Variants in FSTL5 observed in about 807,000 individuals in gnomAD.
The protein encoded by FSTL5 is follistatin-related protein 5.
FSTL5 carries 62 observed loss-of-function variants against 89.1 expected under a neutral mutation model. That is an observed-to-expected ratio of 0.70 (90% CI 0.57 to 0.86). FSTL5 has a LOEUF of 0.86. Among genes scored for constraint, FSTL5 ranks in the 40% least tolerant of loss-of-function variants. The pLI, the probability that FSTL5 is intolerant of heterozygous loss-of-function variation, is 0.00. For missense variants in FSTL5, 1,057 were observed against 1,001.6 expected, an observed-to-expected ratio of 1.06 and a Z score of -0.75; for synonymous variants, 383 against 346.2, an observed-to-expected ratio of 1.11 and a Z score of -1.18.
intron 4 of FSTL5, among the ~76,000 whole-genome samples, chr4:161,879,516 T>C (rs909493858): frequency 6.6e-6 from 1 of 152,212 alleles, no homozygotes; most frequent in South Asian, 2.1e-4. Flanking sequence ...TACCAAAGTA[T>C]GCAAATCTCC....
intron 7 of FSTL5, among the ~76,000 whole-genome samples, chr4:161,649,471 G>T (rs1736261383): frequency 6.6e-6 from 1 of 151,960 alleles, no homozygotes; most frequent in Admixed American, 6.6e-5. Context: ...GCCTATAAAA[G>T]CAAAACAAAC....
At chr4:161,894,468 C>T (rs1733089673) in intron 4 of FSTL5, among the ~76,000 whole-genome samples, 1 of 151,918 alleles carries the variant, frequency 6.6e-6, no homozygotes, top group East Asian at 1.9e-4. Context: ...ATGTTTCTTT[C>T]TCTATATATA....
chr4:161,925,919 GGAA>G (rs564187180), intron 3 of FSTL5, among the ~76,000 whole-genome samples: 2 of 151,574 alleles, frequency 1.3e-5, no homozygotes, highest in Non-Finnish European at 2.9e-5. Flanking sequence ...AAGTAAAAAA[GGAA>G]GAAGGAAAAA....
At chr4:161,643,492 C>G in intron 7 of FSTL5, among the ~76,000 whole-genome samples, 1 of 147,856 alleles carries the variant, frequency 6.8e-6, no homozygotes, top group Non-Finnish European at 1.5e-5. Flanking sequence ...TTCCCCTTTT[C>G]AGTCAGTAAG....
intron 11 of FSTL5, among the ~76,000 whole-genome samples, chr4:161,509,779 C>T (rs775996176): frequency 8.5e-5 from 13 of 152,092 alleles, no homozygotes; most frequent in Non-Finnish European, 1.6e-4. Context: ...CTGGGGCAAA[C>T]GCATTCTTCC....
At chr4:161,556,844 G>GTATATATATATATATATATATATATATA (rs962466232) in intron 8 of FSTL5, among the ~76,000 whole-genome samples, 109 of 144,808 alleles carry the variant, frequency 7.5e-4, no homozygotes, top group Non-Finnish European at 1.3e-3. Context: ...GTGTGTGTGT[G>GTATATATATATATATATATATATATATA]TGTATATATA....
chr4:161,955,312 A>C (rs1432685089), intron 3 of FSTL5, among the ~76,000 whole-genome samples: 4 of 151,740 alleles, frequency 2.6e-5, no homozygotes, highest in Non-Finnish European at 5.9e-5. Context: ...GCCAGAGAAT[A>C]GTACTCTTCC....
chr4:161,936,026 T>C (rs887288203), intron 3 of FSTL5, among the ~76,000 whole-genome samples: 1 of 152,078 alleles, frequency 6.6e-6, no homozygotes, highest in Non-Finnish European at 1.5e-5. Context: ...CTACTAAAAA[T>C]ACAAACATTA....
chr4:162,047,441 C>G (rs566522794), intron 2 of FSTL5: 1 of 152,018 alleles, frequency 6.6e-6, no homozygotes, highest in African/African-American at 2.4e-5. Flanking sequence ...TGGAGCTCTC[C>G]AGGGGATGAC....
intron 4 of FSTL5, among the ~76,000 whole-genome samples, chr4:161,821,941 G>T (rs1730507908): frequency 6.6e-6 from 1 of 152,106 alleles, no homozygotes; most frequent in Non-Finnish European, 1.5e-5. Flanking sequence ...CTTCTGGGTA[G>T]GTACCCAGCA....
chr4:161,900,656 AAAG>A (rs1211312525), intron 4 of FSTL5, among the ~76,000 whole-genome samples: 7 of 107,346 alleles, frequency 6.5e-5, no homozygotes, highest in African/African-American at 2.3e-4. Flanking sequence ...AAAAAAAAAA[AAAG>A]AAAGAAAGAA....
At chr4:162,023,201 T>C in intron 3 of FSTL5, among the ~76,000 whole-genome samples, 1 of 152,152 alleles carries the variant, frequency 6.6e-6, no homozygotes, top group South Asian at 2.1e-4. Flanking sequence ...TGGTAAGATT[T>C]CCTAGGACCT....
chr4:161,787,649 T>C (rs1160692585), intron 4 of FSTL5, among the ~76,000 whole-genome samples: 2 of 152,138 alleles, frequency 1.3e-5, no homozygotes, highest in East Asian at 1.9e-4. Context: ...AAATAAAAAG[T>C]GTTTTCTGTA....
chr4:161,724,451 T>C (rs906522728), intron 6 of FSTL5, among the ~76,000 whole-genome samples: 10 of 152,204 alleles, frequency 6.6e-5, no homozygotes, highest in African/African-American at 2.4e-4. Context: ...TATATGTACA[T>C]GTATATATAC....
At chr4:162,026,330 C>T (rs191291134) in intron 3 of FSTL5, among the ~76,000 whole-genome samples, 59 of 3,216 alleles carry the variant, frequency 0.018, no homozygotes, top group East Asian at 0.18. Context: ...CTTTTTGAGA[C>T]GGAGTTTTCC....
At chr4:161,937,499 A>G (rs1734464571) in intron 3 of FSTL5, among the ~76,000 whole-genome samples, 1 of 152,196 alleles carries the variant, frequency 6.6e-6, no homozygotes, top group South Asian at 2.1e-4. Context: ...AATATTGAAG[A>G]CAAAAACAAT....
chr4:161,957,194 G>A (rs1027191899), intron 3 of FSTL5, among the ~76,000 whole-genome samples: 6 of 151,840 alleles, frequency 4.0e-5, no homozygotes, highest in Non-Finnish European at 8.8e-5. Flanking sequence ...GTTAGATAGA[G>A]TGATTTTTTT....
chr4:161,835,949 A>G (rs1225718744), intron 4 of FSTL5, among the ~76,000 whole-genome samples: 3 of 151,936 alleles, frequency 2.0e-5, no homozygotes, highest in Non-Finnish European at 4.4e-5. Context: ...CCATCCCATT[A>G]CTGGGTATAT....
intron 6 of FSTL5, among the ~76,000 whole-genome samples, chr4:161,757,357 C>T (rs1740609045): frequency 6.7e-6 from 1 of 150,240 alleles, no homozygotes; most frequent in African/African-American, 2.5e-5. Context: ...ATCATTCATA[C>T]CGACATATGC....
Sources: gnomAD v4.1 joint callset for allele counts (sites outside exome capture counted in the v4.1 genomes callset) on GRCh38, gnomAD v4.1.1 for gene constraint, MANE v1.5 for transcripts, NCBI Gene and HGNC (gene_info 2026-07-23, HGNC 2026-07-21) for gene names.